The following FAM114A1 variants were observed in gnomAD, a reference collection of about 807,000 sequenced individuals.
FAM114A1 encodes the protein protein NOXP20.
FAM114A1 carries 62 observed loss-of-function variants against 64.3 expected under a neutral mutation model. The observed-to-expected ratio is 0.96, with a 90% confidence interval of 0.79 to 1.19. The LOEUF is 1.19. FAM114A1 is among the 50% of genes most tolerant of loss of function. The pLI is 0.00. For synonymous variants in FAM114A1, 254 were observed against 251.1 expected (o/e 1.01, Z -0.11); for missense variants, 645 against 676.3 (o/e 0.95, Z 0.51).
intron 4 of FAM114A1, among the ~76,000 whole-genome samples, chr4:38,895,691 G>C (rs972179): frequency 6.6e-6 from 1 of 152,296 alleles, no homozygotes; most frequent in South Asian, 2.1e-4. Flanking sequence ...GAAATGGGTC[G>C]TTGGGTGATT....
chr4:38,897,051 T>C (rs766855106), intron 4 of FAM114A1, among the ~76,000 whole-genome samples: 4 of 152,204 alleles, frequency 2.6e-5, no homozygotes, highest in African/African-American at 7.2e-5. Context: ...TTAGAACTGT[T>C]GAGAGTTGGC....
chr4:38,918,347 T>C (rs180899646), intron 8 of FAM114A1, among the ~76,000 whole-genome samples: 5 of 152,340 alleles, frequency 3.3e-5, no homozygotes, highest in Admixed American at 2.0e-4. Context: ...CATTCCTGCA[T>C]TTAGGGCTTC....
chr4:38,900,925 G>GA (rs1717451987), intron 4 of FAM114A1, among the ~76,000 whole-genome samples: 1 of 147,682 alleles, frequency 6.8e-6, no homozygotes, highest in Non-Finnish European at 1.5e-5. Context: ...GTGGTAAAAT[G>GA]CATGTCATGT....
intron 8 of FAM114A1, among the ~76,000 whole-genome samples, chr4:38,916,648 G>A (rs933406702): frequency 5.3e-5 from 8 of 152,076 alleles, no homozygotes; most frequent in African/African-American, 1.2e-4. Context: ...ATCACACACC[G>A]AGGCCTGTCG....
At chr4:38,933,917 A>T (rs2109793806) in intron 12 of FAM114A1, among the ~76,000 whole-genome samples, 1 of 152,336 alleles carries the variant, frequency 6.6e-6, no homozygotes, top group African/African-American at 2.4e-5. Context: ...TCTTCCAAAA[A>T]GTCAGCATTA....
intron 13 of FAM114A1, among the ~76,000 whole-genome samples, chr4:38,936,497 C>T (rs1721111714): frequency 1.3e-5 from 2 of 151,352 alleles, no homozygotes; most frequent in South Asian, 4.2e-4. Context: ...TTTGAATATT[C>T]ACTGTTGCCC....
chr4:38,892,886 T>C (rs1327597129), intron 4 of FAM114A1, among the ~76,000 whole-genome samples: 3 of 152,252 alleles, frequency 2.0e-5, no homozygotes, highest in Non-Finnish European at 4.4e-5. Context: ...GAGCTTAGGC[T>C]GCCTGGAAGA....
chr4:38,932,311 A>C lies in FAM114A1; in HGVS notation c.1400A>C (p.Glu467Ala), dbSNP rs752974250. ...RCIEQLHKVA[E>A]LILHGQEEEK... ...ATTGAGCAGCTTCATAAAGTAGCAGAATTAATTCTTCATGGACAAGAAGAG... is the reference window on the plus strand; with the variant it reads ...ATTGAGCAGCTTCATAAAGTAGCAGCATTAATTCTTCATGGACAAGAAGAG... Residue 467 changes from glutamate to alanine, a missense_variant, in exon 12 of 15, where the codon GAA becomes GCA. Glu to Ala is a moderately radical substitution (Grantham distance 107). Coordinates refer to ENST00000358869, the MANE Select transcript of FAM114A1 (RefSeq NM_138389.4). 2 of 1,613,650 alleles carry C rather than the reference A, an allele frequency of 1.2e-6. No homozygotes were observed. Among genetic ancestry groups the C allele is most frequent in the South Asian group, 2.2e-5 (2 of 90,908 alleles).
intron 9 of FAM114A1, chr4:38,929,004 G>A (rs1720392970): frequency 2.0e-6 from 1 of 490,078 alleles, no homozygotes; most frequent in African/African-American, 2.0e-5. Context: ...TGTCCTGGGG[G>A]TGTCCCTGCT....
chr4:38,873,468 A>T (rs1037480848), intron 2 of FAM114A1, among the ~76,000 whole-genome samples: 3 of 152,240 alleles, frequency 2.0e-5, no homozygotes, highest in Non-Finnish European at 4.4e-5. Flanking sequence ...ACTATGTAGA[A>T]TATGAATACA....
rs766667315 is a variant in FAM114A1, at chr4:38,878,414, A to G, written c.336A>G (p.Glu112=). 6.3e-7 allele frequency: 1 copy of G among 1,591,662 alleles called. No individual in the cohort carries two copies. The highest frequency in any genetic ancestry group is 8.6e-7 in the Non-Finnish European group (1 of 1,168,102). Residue 112 remains glutamate (E), a synonymous_variant, in exon 3 of 15, where the codon GAA becomes GAG. Transcript: ENST00000358869. The part of the protein sequence containing the change: ...AEPRSEIPLQ[E]QNYLAVDSPP... ...CCAGATCCGAAATACCCCTGCAAGA[A>G]CAGAATTATCTGGTAAGAATGGGTC...
intron 3 of FAM114A1, among the ~76,000 whole-genome samples, chr4:38,879,504 A>T (rs1274180003): frequency 6.6e-6 from 1 of 152,154 alleles, no homozygotes; most frequent in Non-Finnish European, 1.5e-5. Context: ...CATCCTTCTG[A>T]CTAATGTTTT....
intron 2 of FAM114A1, among the ~76,000 whole-genome samples, chr4:38,872,063 G>A (rs756462381): frequency 2.0e-5 from 3 of 152,168 alleles, no homozygotes; most frequent in Non-Finnish European, 4.4e-5. Context: ...CATACCTGAG[G>A]CATCTTTCAT....
At chr4:38,889,777 G>T (rs1323849348) in intron 3 of FAM114A1, among the ~76,000 whole-genome samples, 12 of 152,168 alleles carry the variant, frequency 7.9e-5, no homozygotes, top group Non-Finnish European at 1.8e-4. Flanking sequence ...TTGAGTCAAA[G>T]TAACTAAAAT....
At chr4:38,928,183 C>T (rs1307443213) in intron 9 of FAM114A1, among the ~76,000 whole-genome samples, 3 of 152,214 alleles carry the variant, frequency 2.0e-5, no homozygotes, top group African/African-American at 7.2e-5. Flanking sequence ...GTGTTTCTCA[C>T]ATGGCTTAGT....
Position 38,881,543 on chromosome 4 carries a change from A to C in FAM114A1, c.348+3117A>C, listed in dbSNP as rs550754371. Among the ~76,000 whole-genome samples, 7 of 152,280 alleles carry C rather than the reference A, an allele frequency of 4.6e-5. No individual in the cohort carries two copies. The South Asian group carries it at 1.5e-3, about 32-fold the overall frequency. ...GGGACAGTACCTGTGAGTTTGTTTT[A>C]AGAAGGGCAGGAAAGCCGATAGGTT... On this transcript the variant is annotated intron_variant, in intron 3 of 14. Transcript: ENST00000358869.
chr4:38,874,263 A>G (rs946382834), intron 2 of FAM114A1, among the ~76,000 whole-genome samples: 2 of 152,352 alleles, frequency 1.3e-5, no homozygotes, highest in African/African-American at 4.8e-5. Flanking sequence ...TTTAAAGAGC[A>G]TGGATACAGT....
At chr4:38,905,971 G>C (rs529054447) in intron 6 of FAM114A1, 110 bp downstream of exon 6, 6 of 919,200 alleles carry the variant, frequency 6.5e-6, no homozygotes, top group African/African-American at 3.4e-5. Context: ...GCCTTGCTCA[G>C]AACTTTGGAT....
In FAM114A1 at chr4:38,887,531, T is replaced by G. The variant is rs537121507; in HGVS notation, c.349-4212T>G. On this transcript the variant is annotated intron_variant, in intron 3 of 14. Transcript: ENST00000358869. ...GAGTTGACTTAAAGACTCTTAATAA[T>G]GTGCGGAAACTTGGGATGATTTCAG... is the stretch of plus-strand genomic sequence containing the variant. Among the ~76,000 whole-genome samples the G allele has an allele frequency of 2.6e-5, 4 of 152,352 alleles. No homozygotes were observed. In the South Asian group the frequency reaches 8.3e-4, roughly 32 times the overall value.
Sources: allele counts gnomAD v4.1 joint callset (sites outside exome capture counted in the v4.1 genomes callset), GRCh38; gene constraint gnomAD v4.1.1; transcripts MANE v1.5; gene names NCBI Gene and HGNC (gene_info 2026-07-23, HGNC 2026-07-21).